The following ADAMTSL1 variants were observed in gnomAD, a reference collection of about 807,000 sequenced individuals.
The protein encoded by ADAMTSL1 is ADAMTS-like protein 1.
In ADAMTSL1, 126 loss-of-function variants were observed where a neutral mutation model predicts 201.8. The ratio of observed to expected loss-of-function variants is 0.62; its 90% CI spans 0.54 to 0.72. The LOEUF is 0.72. Among genes scored for constraint, ADAMTSL1 ranks in the 30% least tolerant of loss-of-function variants. The pLI is 0.00. For synonymous variants in ADAMTSL1, 1,121 were observed against 903.4 expected (o/e 1.24, Z -4.32); for missense variants, 2,679 against 2,277.8 (o/e 1.18, Z -3.59).
intron 2 of ADAMTSL1, among the ~76,000 whole-genome samples, chr9:18,532,848 A>G (rs1051571250): frequency 6.6e-6 from 1 of 151,838 alleles, no homozygotes; most frequent in Admixed American, 6.6e-5. Context: ...TTGAATATTA[A>G]TTCCATTAAT....
At chr9:18,266,601 T>G (rs1345235674) in intron 2 of ADAMTSL1, among the ~76,000 whole-genome samples, 1 of 152,146 alleles carries the variant, frequency 6.6e-6, no homozygotes, top group Non-Finnish European at 1.5e-5. Context: ...TTGTTGAGTT[T>G]TCAGAAATAT....
chr9:18,689,552 G>T lies in ADAMTSL1; in HGVS notation c.1574+4752G>T, dbSNP rs770602461. Among the ~76,000 whole-genome samples, 79 of 152,102 alleles carry T rather than the reference G, an allele frequency of 5.2e-4. 1 individual carries two copies. The highest frequency in any genetic ancestry group is 2.0e-4 in the Admixed American group (3 of 15,256). ...AAGGAAAAAGAAAAAAGAAAAAAAG[G>T]TATAGTCTGGATGCTTTAGGTGCTC... On this transcript the variant is annotated intron_variant, in intron 13 of 28. Coordinates refer to ENST00000380548, the MANE Select transcript of ADAMTSL1 (RefSeq NM_001040272.6).
At chr9:18,668,269 A>G (rs1392369118) in intron 9 of ADAMTSL1, among the ~76,000 whole-genome samples, 1 of 152,196 alleles carries the variant, frequency 6.6e-6, no homozygotes, top group Non-Finnish European at 1.5e-5. Flanking sequence ...ACATTCATGT[A>G]TTATTCATAA....
intron 2 of ADAMTSL1, chr9:18,360,723 T>G (rs750577166): frequency 6.6e-5 from 10 of 152,280 alleles, no homozygotes; most frequent in Admixed American, 2.0e-4. Context: ...ACTTAATGAA[T>G]ATGTTTTTGA....
At chr9:18,486,393 G>C (rs1157950306) in intron 1 of ADAMTSL1, among the ~76,000 whole-genome samples, 1 of 152,184 alleles carries the variant, frequency 6.6e-6, no homozygotes, top group Admixed American at 6.5e-5. Context: ...TTTAAAAATA[G>C]AGGCTATTTC....
intron 2 of ADAMTSL1, among the ~76,000 whole-genome samples, chr9:18,335,516 G>C (rs957001504): frequency 6.6e-6 from 1 of 152,020 alleles, no homozygotes; most frequent in Non-Finnish European, 1.5e-5. Flanking sequence ...TTGTGTGTTT[G>C]ATTATTGTAA....
At chr9:18,375,775 C>T (rs1479000234) in intron 2 of ADAMTSL1, among the ~76,000 whole-genome samples, 1 of 152,246 alleles carries the variant, frequency 6.6e-6, no homozygotes, top group Non-Finnish European at 1.5e-5. Context: ...TGGCTGGTGG[C>T]CAGCTTTTAT....
intron 1 of ADAMTSL1, among the ~76,000 whole-genome samples, chr9:17,911,488 C>G (rs2131268044): frequency 1.5e-5 from 1 of 68,300 alleles, no homozygotes; most frequent in African/African-American, 2.9e-5. Context: ...ATGTCACTTG[C>G]TGGCGGTTCA....
intron 3 of ADAMTSL1, among the ~76,000 whole-genome samples, chr9:18,551,091 A>T (rs1820772646): frequency 6.6e-6 from 1 of 151,950 alleles, no homozygotes; most frequent in East Asian, 1.9e-4. Context: ...AAAGAATCAA[A>T]AAGGATGGTA....
At chr9:18,044,747 C>T (rs1821586803) in intron 1 of ADAMTSL1, among the ~76,000 whole-genome samples, 1 of 152,096 alleles carries the variant, frequency 6.6e-6, no homozygotes. Flanking sequence ...TTAGCCTTTT[C>T]ATTTTACCTT....
chr9:18,199,606 T>C (rs1829346870), intron 2 of ADAMTSL1, among the ~76,000 whole-genome samples: 1 of 152,130 alleles, frequency 6.6e-6, no homozygotes, highest in Admixed American at 6.6e-5. Flanking sequence ...TATGTAAAAG[T>C]TATACCTCCT....
chr9:18,434,251 G>A (rs940177559), intron 2 of ADAMTSL1, among the ~76,000 whole-genome samples: 9 of 151,940 alleles, frequency 5.9e-5, no homozygotes, highest in Admixed American at 3.9e-4. Flanking sequence ...GTCCTTATGG[G>A]CCCATTTTCA....
At chr9:18,683,221 G>GTTT (rs756275672) in intron 12 of ADAMTSL1, among the ~76,000 whole-genome samples, 1 of 51,066 alleles carries the variant, frequency 2.0e-5, no homozygotes, top group African/African-American at 4.6e-5. Flanking sequence ...ATTTACTGAG[G>GTTT]TTTTTTTTGT....
At chr9:18,886,578 C>T (rs576197464) in intron 23 of ADAMTSL1, among the ~76,000 whole-genome samples, 5 of 152,282 alleles carry the variant, frequency 3.3e-5, no homozygotes, top group Admixed American at 3.3e-4. Context: ...CAGATCAGTG[C>T]AGCCGCAGAT....
At chr9:18,844,445 A>G (rs1388582626) in intron 23 of ADAMTSL1, among the ~76,000 whole-genome samples, 5 of 152,010 alleles carry the variant, frequency 3.3e-5, no homozygotes, top group Non-Finnish European at 7.4e-5. Context: ...GTCTGCCCCT[A>G]CTGGGGGGTG....
At chr9:18,739,897 A>ATGTGTGTGTGTGTG (rs1277770563) in intron 15 of ADAMTSL1, among the ~76,000 whole-genome samples, 11 of 98,306 alleles carry the variant, frequency 1.1e-4, no homozygotes, top group African/African-American at 4.3e-4. Flanking sequence ...CATGTCTACT[A>ATGTGTGTGTGTGTG]TCTGTGTGTG....
At chr9:18,063,005 G>T (rs1291289928) in intron 1 of ADAMTSL1, among the ~76,000 whole-genome samples, 1 of 152,058 alleles carries the variant, frequency 6.6e-6, no homozygotes, top group Non-Finnish European at 1.5e-5. Context: ...GTAATACACA[G>T]TATTCCTATT....
At chr9:18,286,580 A>AC (rs1833002318) in intron 2 of ADAMTSL1, among the ~76,000 whole-genome samples, 1 of 59,106 alleles carries the variant, frequency 1.7e-5, no homozygotes, top group Non-Finnish European at 4.5e-5. Flanking sequence ...TGGTTTTCAG[A>AC]TATAATCATT....
intron 1 of ADAMTSL1, among the ~76,000 whole-genome samples, chr9:17,987,311 T>C (rs901363541): frequency 3.9e-5 from 6 of 152,072 alleles, no homozygotes; most frequent in East Asian, 1.9e-4. Flanking sequence ...GTAATTACTT[T>C]TGGAGGGCTA....
Sources: gnomAD v4.1 joint callset for allele counts (sites outside exome capture counted in the v4.1 genomes callset) on GRCh38, gnomAD v4.1.1 for gene constraint, MANE v1.5 for transcripts, NCBI Gene and HGNC (gene_info 2026-07-23, HGNC 2026-07-21) for gene names.